The following FOXN2 variants were observed in gnomAD, a reference collection of about 807,000 sequenced individuals.
FOXN2 encodes forkhead box N2.
A neutral mutation model predicts 41.2 loss-of-function variants in FOXN2; 19 were observed. That is an observed-to-expected ratio of 0.46 (90% CI 0.32 to 0.68). FOXN2 has a LOEUF of 0.68. Among genes scored for constraint, FOXN2 ranks in the 30% least tolerant of loss-of-function variants. The pLI is 0.03. For synonymous variants in FOXN2, 195 were observed against 176.8 expected (o/e 1.10, Z -0.82); for missense variants, 587 against 509.4 (o/e 1.15, Z -1.47).
In FOXN2 at chr2:48,350,344, T is replaced by C. The variant is rs192991591; in HGVS notation, c.537+3593T>C. Among the ~76,000 whole-genome samples, 234 of 152,376 alleles carry C rather than the reference T, an allele frequency of 1.5e-3. 1 individual carries two copies. The highest frequency in any genetic ancestry group is 5.5e-3 in the African/African-American group (230 of 41,592). On this transcript the variant is annotated intron_variant, in intron 3 of 6. Transcript: ENST00000340553. ...CTCCCTTTCCCAGTGGCAGCAGTTCTCTGTATCATCAGCAGATTTGAGCAT... is the reference window on the plus strand; with the variant it reads ...CTCCCTTTCCCAGTGGCAGCAGTTCCCTGTATCATCAGCAGATTTGAGCAT...
At chr2:48,337,087 C>T (rs1208054466) in intron 2 of FOXN2, among the ~76,000 whole-genome samples, 5 of 151,590 alleles carry the variant, frequency 3.3e-5, no homozygotes, top group Non-Finnish European at 7.4e-5. Context: ...TTAACCACCC[C>T]CACCTCCCTC....
intron 5 of FOXN2, among the ~76,000 whole-genome samples, chr2:48,366,314 G>A (rs1419353667): frequency 6.7e-6 from 1 of 149,672 alleles, no homozygotes; most frequent in Non-Finnish European, 1.5e-5. Context: ...AGCCGAGATC[G>A]CGCCACTGCA....
At chr2:48,348,412 A>G (rs1240456070) in intron 3 of FOXN2, among the ~76,000 whole-genome samples, 1 of 152,020 alleles carries the variant, frequency 6.6e-6, no homozygotes, top group Non-Finnish European at 1.5e-5. Context: ...AAAATTCCCC[A>G]CTAGATCCAT....
At chr2:48,337,476 G>C (rs776956607) in intron 2 of FOXN2, among the ~76,000 whole-genome samples, 1 of 149,892 alleles carries the variant, frequency 6.7e-6, no homozygotes, top group African/African-American at 2.5e-5. Context: ...TTTTTGTGGG[G>C]TTTTTTTTTG....
intron 4 of FOXN2, 107 bp from the exon 5 acceptor site, chr2:48,362,533 CACT>C: frequency 1.2e-6 from 1 of 833,130 alleles, no homozygotes; most frequent in Non-Finnish European, 2.0e-6. Context: ...CATGCCACTG[CACT>C]CCAGCCTGGG....
Position 48,377,683 on chromosome 2 carries a change from C to T in FOXN2, c.*2240C>T, listed in dbSNP as rs1268523259. ...ATTCATCACTAGCAAGGATGATAAA[C>T]ACTTGTGCACTGAAAGCTAACAGGG... On this transcript the variant is annotated 3_prime_UTR_variant, in exon 7 of 7. Transcript: ENST00000340553. The T allele has an allele frequency of 2.6e-5, 4 of 152,030 alleles. No homozygotes were observed. Among genetic ancestry groups the T allele is most frequent in the Non-Finnish European group, 2.9e-5 (2 of 67,908 alleles). 9.4% of individuals were successfully genotyped at this position (152,030 alleles called of 1,614,324 possible).
At chr2:48,321,408 T>C (rs1023881299) in intron 1 of FOXN2, among the ~76,000 whole-genome samples, 7 of 151,818 alleles carry the variant, frequency 4.6e-5, no homozygotes, top group African/African-American at 9.7e-5. Context: ...TGGTGGCGAG[T>C]GCCTGTAGTC....
At position 48,375,491 on chromosome 2, in the gene FOXN2, G is replaced by T. The variant is rs865898648; in HGVS notation, c.*48G>T. 2.0e-6 allele frequency: 3 copies of T among 1,496,664 alleles called. No homozygotes were observed. The highest frequency in any genetic ancestry group is 2.4e-4 in the Middle Eastern group (1 of 4,112). The allele number at this position is 1,496,664 out of a possible 1,614,324, so 92.7% of individuals were successfully genotyped here. A position where few individuals can be genotyped will look rare whatever the true frequency, so the allele number is the denominator to read the frequency against. On this transcript the variant is annotated 3_prime_UTR_variant, in exon 7 of 7. Transcript: ENST00000340553. ...CTCTTTCACTTAATTCTTTACAAGG[G>T]ATATCAAAGCCATAATGGACTTCAT...
intron 1 of FOXN2, among the ~76,000 whole-genome samples, chr2:48,323,710 G>A (rs1273964356): frequency 6.6e-6 from 1 of 152,006 alleles, no homozygotes; most frequent in African/African-American, 2.4e-5. Flanking sequence ...CTTTTACTGT[G>A]CAGAAGCTTT....
chr2:48,345,813 ATAGATTCTTAAGATACGTATAAAGTC>A lies in FOXN2; in HGVS notation c.-14-386_-14-361del, dbSNP rs1156492669. 2.6e-5 allele frequency among the ~76,000 whole-genome samples: 4 copies of A among 152,328 alleles called. No individual in the cohort carries two copies. In the South Asian group the frequency reaches 8.3e-4, roughly 32 times the overall value. ...TCAACTATTTGTATATAGTAAAATC[ATAGATTCTTAAGATACGTATAAAGTC>A]TTATAGTTCAAAGAAATAGCCTGTC... On this transcript the variant is annotated intron_variant, in intron 2 of 6. Coordinates refer to ENST00000340553, the MANE Select transcript of FOXN2 (RefSeq NM_002158.4).
chr2:48,359,394 G>A (rs1672024671), intron 4 of FOXN2, among the ~76,000 whole-genome samples: 1 of 151,998 alleles, frequency 6.6e-6, no homozygotes, highest in African/African-American at 2.4e-5. Flanking sequence ...CCTGGGTTCA[G>A]GTGATCCTCC....
chr2:48,326,178 T>G (rs1317157959), intron 1 of FOXN2, among the ~76,000 whole-genome samples: 1 of 152,008 alleles, frequency 6.6e-6, no homozygotes, highest in Non-Finnish European at 1.5e-5. Flanking sequence ...CAAGCTGTGG[T>G]GTGAATAATA....
At chr2:48,332,318 A>G (rs1240136385) in intron 2 of FOXN2, among the ~76,000 whole-genome samples, 1 of 152,214 alleles carries the variant, frequency 6.6e-6, no homozygotes, top group Non-Finnish European at 1.5e-5. Flanking sequence ...TTGGCCATTA[A>G]TAACAAAATA....
At chr2:48,325,844 CTT>C (rs959535701) in intron 1 of FOXN2, among the ~76,000 whole-genome samples, 12 of 102,908 alleles carry the variant, frequency 1.2e-4, no homozygotes, top group Non-Finnish European at 1.2e-4. Flanking sequence ...CTCAAGATTT[CTT>C]TTTTTTTTTT....
intron 2 of FOXN2, among the ~76,000 whole-genome samples, chr2:48,343,110 G>C (rs1321624082): frequency 6.6e-6 from 1 of 152,128 alleles, no homozygotes; most frequent in Non-Finnish European, 1.5e-5. Flanking sequence ...CAAGTTTCTT[G>C]AGCGATTGAG....
chr2:48,348,577 C>T (rs1015371718), intron 3 of FOXN2, among the ~76,000 whole-genome samples: 7 of 152,172 alleles, frequency 4.6e-5, no homozygotes, highest in Non-Finnish European at 7.4e-5. Flanking sequence ...ATGGCAGGGA[C>T]GGAAGTATGT....
At chr2:48,361,248 C>T (rs999683547) in intron 4 of FOXN2, among the ~76,000 whole-genome samples, 1 of 151,918 alleles carries the variant, frequency 6.6e-6, no homozygotes, top group Admixed American at 6.6e-5. Context: ...CAGTGGATCA[C>T]CTGAGGTCGG....
intron 2 of FOXN2, chr2:48,340,603 C>G (rs1670688832): frequency 6.6e-6 from 1 of 152,100 alleles, no homozygotes; most frequent in African/African-American, 2.4e-5. Context: ...TAGATGGGTT[C>G]CAGAGTGATT....
In FOXN2 at chr2:48,377,180, A is replaced by G. The variant is rs1381784321; in HGVS notation, c.*1737A>G. On this transcript the variant is annotated 3_prime_UTR_variant, in exon 7 of 7. Coordinates refer to ENST00000340553, the MANE Select transcript of FOXN2 (RefSeq NM_002158.4). ...AATATAGTAATTTTTAAATTTGTTAATAATGAAAACCCTTAAGCATGCAGG... is the reference window on the plus strand; with the variant it reads ...AATATAGTAATTTTTAAATTTGTTAGTAATGAAAACCCTTAAGCATGCAGG... The G allele has an allele frequency of 6.6e-6, 1 of 151,978 alleles. No homozygotes were observed. The highest frequency in any genetic ancestry group is 1.5e-5 in the Non-Finnish European group (1 of 67,858). 9.4% of individuals were successfully genotyped at this position (151,978 alleles called of 1,614,324 possible). A position where few individuals can be genotyped will look rare whatever the true frequency, so the allele number is the denominator to read the frequency against.
Sources: gnomAD v4.1 joint callset for allele counts (sites outside exome capture counted in the v4.1 genomes callset) on GRCh38, gnomAD v4.1.1 for gene constraint, MANE v1.5 for transcripts, NCBI Gene and HGNC (gene_info 2026-07-23, HGNC 2026-07-21) for gene names.